Variants in PRKN observed in about 807,000 individuals in gnomAD.
PRKN encodes the protein E3 ubiquitin-protein ligase parkin.
PRKN carries 56 observed loss-of-function variants against 59.5 expected under a neutral mutation model. The ratio of observed to expected loss-of-function variants is 0.94; its 90% confidence interval spans 0.76 to 1.18. PRKN has a LOEUF of 1.18. Among genes scored for constraint, PRKN ranks in the 50% most tolerant of loss-of-function variants. The pLI is 0.00. For missense variants in PRKN, 657 were observed against 596.4 expected (o/e 1.10, Z -1.06); for synonymous variants, 250 against 222.1 (o/e 1.13, Z -1.12).
chr6:162,077,956 A>T (rs1214521559), intron 4 of PRKN, among the ~76,000 whole-genome samples: 1 of 150,760 alleles, frequency 6.6e-6, no homozygotes, highest in Non-Finnish European at 1.5e-5. Context: ...AGCCAAGATC[A>T]CACCACTGCA....
chr6:162,485,621 C>G (rs62428783), intron 1 of PRKN, among the ~76,000 whole-genome samples: 2 of 152,188 alleles, frequency 1.3e-5, no homozygotes, highest in Non-Finnish European at 2.9e-5. Flanking sequence ...TAGCAGGGTA[C>G]TGGGATGCCA....
At chr6:161,693,004 A>G (rs1785864542) in intron 7 of PRKN, among the ~76,000 whole-genome samples, 1 of 151,968 alleles carries the variant, frequency 6.6e-6, no homozygotes, top group Admixed American at 6.5e-5. Flanking sequence ...TTTTTAAATA[A>G]AATTTAGCAA....
In PRKN at chr6:161,407,289, G is replaced by C. The variant is rs1437436871; in HGVS notation, c.1084-20412C>G. ...AGAAACGCACTGACTTGATAAATAA[G>C]AAACAATATTGCTTCTCATTTGGCA... On this transcript the variant is annotated intron_variant, in intron 9 of 11. Transcript: ENST00000366898. The surrounding 1 kb of genome is among the most constrained non-coding windows in gnomAD (Gnocchi z 4.9). Among the ~76,000 whole-genome samples the C allele has an allele frequency of 6.6e-6, 1 of 151,940 alleles. No individual in the cohort carries two copies. The highest frequency in any genetic ancestry group is 1.5e-5 in the Non-Finnish European group (1 of 67,996).
chr6:161,886,398 A>G (rs920590921), intron 6 of PRKN, among the ~76,000 whole-genome samples: 2 of 152,172 alleles, frequency 1.3e-5, no homozygotes, highest in Non-Finnish European at 2.9e-5. Context: ...CTTTAAAATC[A>G]TCAAGAATAT....
At chr6:162,321,822 C>A (rs985078383) in intron 2 of PRKN, among the ~76,000 whole-genome samples, 6 of 151,726 alleles carry the variant, frequency 4.0e-5, no homozygotes, top group Non-Finnish European at 8.8e-5. Context: ...TTATACAGTC[C>A]CACAGCAAAT....
chr6:161,383,267 G>C (rs1786076399), intron 10 of PRKN, among the ~76,000 whole-genome samples: 1 of 152,188 alleles, frequency 6.6e-6, no homozygotes, highest in African/African-American at 2.4e-5. Flanking sequence ...AATCGAATTG[G>C]GTCATGAAAT....
At chr6:162,435,854 C>T (rs1284186644) in intron 2 of PRKN, among the ~76,000 whole-genome samples, 1 of 152,012 alleles carries the variant, frequency 6.6e-6, no homozygotes, top group Non-Finnish European at 1.5e-5. Flanking sequence ...TTGAGCCTGG[C>T]CTCCTTTTAT....
intron 2 of PRKN, among the ~76,000 whole-genome samples, chr6:162,339,613 T>C (rs1428035030): frequency 0.011 from 1,562 of 148,210 alleles, 15 homozygotes; most frequent in African/African-American, 0.031. Flanking sequence ...CCCCTCTGCC[T>C]GGCCACCACC....
intron 3 of PRKN, among the ~76,000 whole-genome samples, chr6:162,217,035 G>A (rs1026965724): frequency 3.9e-5 from 6 of 151,930 alleles, no homozygotes; most frequent in Non-Finnish European, 5.9e-5. Flanking sequence ...CAAGATTTTC[G>A]GTGTACAGAC....
chr6:161,713,302 T>A (rs114636297), intron 7 of PRKN, among the ~76,000 whole-genome samples: 62 of 152,252 alleles, frequency 4.1e-4, no homozygotes, highest in African/African-American at 1.4e-3. Flanking sequence ...CAGAAGCTCA[T>A]CAAATCTTGT....
chr6:161,469,579 G>GAGAGAA (rs1206433801), intron 9 of PRKN, among the ~76,000 whole-genome samples: 2 of 150,816 alleles, frequency 1.3e-5, no homozygotes, highest in South Asian at 2.1e-4. Flanking sequence ...GAGAAAGAGA[G>GAGAGAA]AGAGAAAGAG....
intron 6 of PRKN, among the ~76,000 whole-genome samples, chr6:161,962,159 A>T (rs767961151): frequency 3.3e-5 from 5 of 152,230 alleles, no homozygotes; most frequent in Non-Finnish European, 7.3e-5. Flanking sequence ...CAACTTTGCA[A>T]ATACTTAATT....
Position 161,551,095 on chromosome 6 carries a change from C to G in PRKN, c.934-2092G>C, listed in dbSNP as rs1042758432. 6.6e-6 allele frequency among the ~76,000 whole-genome samples: 1 copy of G among 152,122 alleles called. No homozygotes were observed. Among genetic ancestry groups the G allele is most frequent in the African/African-American group, 2.4e-5 (1 of 41,420 alleles). ...ATCTCTGAATTTATGGGGTAAGGTT[C>G]TCTGGACAGTGTCATAAGCTGTGCA... is the stretch of plus-strand genomic sequence containing the variant. On this transcript the variant is annotated intron_variant, in intron 8 of 11. Transcript: ENST00000366898. This position sits in a 1 kb window ranked among gnomAD's most constrained non-coding sequence, Gnocchi z 5.2.
chr6:161,675,119 G>T (rs957795996), intron 7 of PRKN, among the ~76,000 whole-genome samples: 1 of 152,172 alleles, frequency 6.6e-6, no homozygotes, highest in African/African-American at 2.4e-5. Flanking sequence ...AATAGAAGCC[G>T]TGTCTCTATT....
chr6:161,507,673 G>C (rs1277573621), intron 9 of PRKN, among the ~76,000 whole-genome samples: 3 of 151,792 alleles, frequency 2.0e-5, no homozygotes, highest in Non-Finnish European at 4.4e-5. Context: ...TCTATATCTT[G>C]ACTCTTCTCT....
chr6:162,458,520 A>T (rs1166948660), intron 1 of PRKN, among the ~76,000 whole-genome samples: 2 of 151,890 alleles, frequency 1.3e-5, no homozygotes, highest in African/African-American at 4.8e-5. Flanking sequence ...TACTTTAAGG[A>T]AAAGATAGTA....
chr6:161,379,888 A>G lies in PRKN; in HGVS notation c.1167+6906T>C, dbSNP rs1294800411. 1.3e-5 allele frequency among the ~76,000 whole-genome samples: 2 copies of G among 152,210 alleles called. No homozygotes were observed. The highest frequency in any genetic ancestry group is 4.8e-5 in the African/African-American group (2 of 41,454). ...TTCTTCCTGGAAAACATGTACTATT[A>G]CAATTCCCTACTAAGTGTTTTTCAT... On this transcript the variant is annotated intron_variant, in intron 10 of 11. Transcript: ENST00000366898. The surrounding 1 kb of genome is among the most constrained non-coding windows in gnomAD (Gnocchi z 4.9).
At chr6:161,993,624 A>C (rs151042784) in intron 5 of PRKN, among the ~76,000 whole-genome samples, 2 of 152,352 alleles carry the variant, frequency 1.3e-5, no homozygotes, top group African/African-American at 4.8e-5. Flanking sequence ...TACCAAAACC[A>C]GATAAGGATA....
At chr6:162,002,047 A>G (rs1562449441) in intron 5 of PRKN, among the ~76,000 whole-genome samples, 3 of 151,898 alleles carry the variant, frequency 2.0e-5, no homozygotes, top group Admixed American at 1.3e-4. Context: ...ATTTTTCAAT[A>G]CATTGATTTG....
Sources: allele counts gnomAD v4.1 joint callset (sites outside exome capture counted in the v4.1 genomes callset), GRCh38; gene constraint gnomAD v4.1.1; non-coding constraint Gnocchi (gnomAD v3.1); transcripts MANE v1.5; gene names NCBI Gene and HGNC (gene_info 2026-07-23, HGNC 2026-07-21).